PRKG1: variants seen among roughly 807,000 people sequenced by gnomAD.
PRKG1 encodes the protein cGMP-dependent protein kinase 1.
A neutral mutation model predicts 88.1 loss-of-function variants in PRKG1; 35 were observed. The observed-to-expected ratio is 0.40, with a 90% CI of 0.30 to 0.53. PRKG1 has a LOEUF of 0.53. Ranked by LOEUF, PRKG1 falls within the 20% of genes least tolerant of loss-of-function variation. The probability of loss-of-function intolerance (pLI) is 0.59; values close to 1 mark genes in which losing one functional copy is unlikely to be tolerated. For synonymous variants in PRKG1, 303 were observed against 292.5 expected, an observed-to-expected ratio of 1.04 and a Z score of -0.37; for missense variants, 540 against 839.8, an observed-to-expected ratio of 0.64 and a Z score of 4.41.
chr10:52,248,609 A>G (rs536985842), intron 9 of PRKG1, among the ~76,000 whole-genome samples: 1 of 152,344 alleles, frequency 6.6e-6, no homozygotes, highest in South Asian at 2.1e-4. Context: ...ATATCTTTGC[A>G]TCAAAACGTG....
At chr10:51,381,618 T>A (rs1171602138) in intron 2 of PRKG1, among the ~76,000 whole-genome samples, 5 of 152,166 alleles carry the variant, frequency 3.3e-5, no homozygotes, top group Admixed American at 6.5e-5. Flanking sequence ...CTAGTTAGAT[T>A]TAGTAAATCA....
At chr10:52,096,402 A>G (rs1448010606) in intron 7 of PRKG1, among the ~76,000 whole-genome samples, 1 of 152,156 alleles carries the variant, frequency 6.6e-6, no homozygotes, top group Non-Finnish European at 1.5e-5. Flanking sequence ...CCTGGTCCAC[A>G]ACTTACCCAG....
intron 3 of PRKG1, among the ~76,000 whole-genome samples, chr10:51,480,623 A>C (rs188032232): frequency 1.2e-3 from 178 of 152,064 alleles, no homozygotes; most frequent in African/African-American, 4.2e-3. Flanking sequence ...TTTGGGTATG[A>C]CCATGGTGAA....
At chr10:52,046,718 C>T (rs556336159) in intron 5 of PRKG1, 1 of 152,256 alleles carries the variant, frequency 6.6e-6, no homozygotes, top group East Asian at 1.9e-4. Context: ...TGCTGACTCT[C>T]TAATTGTTGA....
At chr10:52,134,367 G>A (rs913549938) in intron 8 of PRKG1, among the ~76,000 whole-genome samples, 1 of 152,050 alleles carries the variant, frequency 6.6e-6, no homozygotes, top group Non-Finnish European at 1.5e-5. Flanking sequence ...CATAATAGAA[G>A]CATTTAGGGA....
chr10:51,272,934 G>T (rs530440067), intron 2 of PRKG1, among the ~76,000 whole-genome samples: 53 of 152,244 alleles, frequency 3.5e-4, no homozygotes, highest in African/African-American at 1.3e-3. Context: ...AGAATCCTAA[G>T]TTCACCCTCT....
At chr10:51,711,047 G>T (rs1176165766) in intron 3 of PRKG1, among the ~76,000 whole-genome samples, 1 of 151,408 alleles carries the variant, frequency 6.6e-6, no homozygotes, top group Non-Finnish European at 1.5e-5. Context: ...TCCCCTTTTG[G>T]GCTGGTCAGT....
intron 2 of PRKG1, among the ~76,000 whole-genome samples, chr10:51,398,784 G>C (rs1020392992): frequency 4.6e-5 from 7 of 152,192 alleles, no homozygotes; most frequent in African/African-American, 1.7e-4. Context: ...CATCTAATTA[G>C]TTGAAGGCCT....
intron 1 of PRKG1, among the ~76,000 whole-genome samples, chr10:51,012,084 CAT>C (rs1247287850): frequency 8.5e-5 from 13 of 152,180 alleles, no homozygotes; most frequent in Non-Finnish European, 1.3e-4. Context: ...CCTCCCGTGA[CAT>C]GTGTGAATTG....
intron 2 of PRKG1, among the ~76,000 whole-genome samples, chr10:51,166,464 A>G (rs1299527558): frequency 6.6e-6 from 1 of 152,204 alleles, no homozygotes; most frequent in Non-Finnish European, 1.5e-5. Context: ...CATGATTAAT[A>G]GCGATAACTA....
intron 3 of PRKG1, among the ~76,000 whole-genome samples, chr10:51,665,628 C>T (rs1840403604): frequency 6.6e-6 from 1 of 152,076 alleles, no homozygotes; most frequent in Non-Finnish European, 1.5e-5. Context: ...AAGAGATTAA[C>T]AACTGAATTT....
chr10:51,568,997 A>G (rs1837680026), intron 3 of PRKG1, among the ~76,000 whole-genome samples: 2 of 151,966 alleles, frequency 1.3e-5, no homozygotes, highest in South Asian at 4.1e-4. Flanking sequence ...TCTGTAGTCA[A>G]GCACATAAAA....
chr10:51,768,097 T>A (rs1220462335), intron 3 of PRKG1, among the ~76,000 whole-genome samples: 1 of 152,164 alleles, frequency 6.6e-6, no homozygotes, highest in Non-Finnish European at 1.5e-5. Flanking sequence ...AATCCAGGAT[T>A]TACATAATTT....
chr10:51,227,188 A>G (rs115253159), intron 2 of PRKG1, among the ~76,000 whole-genome samples: 1,866 of 150,770 alleles, frequency 0.012, 31 homozygotes, highest in African/African-American at 0.041. Context: ...ATATATATAT[A>G]TGTGTCTATA....
At chr10:51,836,134 A>C (rs1007769457) in intron 4 of PRKG1, among the ~76,000 whole-genome samples, 1 of 152,320 alleles carries the variant, frequency 6.6e-6, no homozygotes, top group Non-Finnish European at 1.5e-5. Context: ...AATATATTAC[A>C]AAGCTACAGT....
chr10:51,855,256 C>T (rs1034457294), intron 4 of PRKG1, among the ~76,000 whole-genome samples: 4 of 152,136 alleles, frequency 2.6e-5, no homozygotes, highest in Admixed American at 2.6e-4. Flanking sequence ...CATGACTTGT[C>T]CCCTGTCACT....
At chr10:51,996,259 G>A (rs1035672912) in intron 5 of PRKG1, among the ~76,000 whole-genome samples, 36 of 134,998 alleles carry the variant, frequency 2.7e-4, no homozygotes, top group Non-Finnish European at 4.1e-4. Context: ...AGGTTGCAGT[G>A]AGCTGAGATA....
chr10:51,203,094 G>A (rs538918848), intron 2 of PRKG1, among the ~76,000 whole-genome samples: 4 of 150,228 alleles, frequency 2.7e-5, no homozygotes, highest in African/African-American at 9.8e-5. Flanking sequence ...GAATACAGAG[G>A]GAGAGAGAGA....
intron 4 of PRKG1, among the ~76,000 whole-genome samples, chr10:51,817,576 C>T (rs1839626506): frequency 6.6e-6 from 1 of 152,118 alleles, no homozygotes. Context: ...GTATATGCCA[C>T]ATTTTCTTTA....
Sources: allele counts gnomAD v4.1 joint callset (sites outside exome capture counted in the v4.1 genomes callset), GRCh38; gene constraint gnomAD v4.1.1; transcripts MANE v1.5; gene names NCBI Gene and HGNC (gene_info 2026-07-23, HGNC 2026-07-21).